The following STIMATE variants were observed in gnomAD, a reference collection of about 807,000 sequenced individuals.
STIMATE encodes the protein store-operated calcium entry regulator STIMATE.
Under a neutral mutation model 36.7 loss-of-function variants are expected in STIMATE, and 15 were observed. The observed-to-expected ratio is 0.41, with a 90% CI of 0.27 to 0.63. The LOEUF is 0.63. STIMATE is among the 20% of genes least tolerant of loss of function. The probability of loss-of-function intolerance (pLI) is 0.32; values close to 1 mark genes in which losing one functional copy is unlikely to be tolerated. For missense variants in STIMATE, 305 were observed against 397.3 expected, an observed-to-expected ratio of 0.77 and a Z score of 1.98; for synonymous variants, 163 against 162.3, an observed-to-expected ratio of 1.00 and a Z score of -0.03.
intron 1 of STIMATE, among the ~76,000 whole-genome samples, chr3:52,882,920 G>A (rs1701632438): frequency 6.6e-6 from 1 of 152,146 alleles, no homozygotes; most frequent in Non-Finnish European, 1.5e-5. Context: ...TGATTTCCCA[G>A]CATGGCTTCT....
intron 2 of STIMATE, among the ~76,000 whole-genome samples, chr3:52,853,748 A>G (rs1701048239): frequency 6.6e-6 from 1 of 152,246 alleles, no homozygotes; most frequent in Non-Finnish European, 1.5e-5. Flanking sequence ...AATAAAAAGA[A>G]TTATCAAATT....
intron 1 of STIMATE, among the ~76,000 whole-genome samples, chr3:52,894,196 T>A (rs1308697232): frequency 1.3e-5 from 2 of 152,206 alleles, no homozygotes; most frequent in African/African-American, 2.4e-5. Flanking sequence ...GTGGAAAGTA[T>A]CTTCATAAGC....
rs778027623 is a variant in STIMATE at position 52,840,464 on chromosome 3, C to A, written c.*30G>T. On this transcript the variant is annotated 3_prime_UTR_variant, in exon 8 of 8. Coordinates refer to ENST00000355083, the MANE Select transcript of STIMATE (RefSeq NM_198563.5). Reference sequence around the variant, plus strand: ...CTCTGCACACCAGCGGCTGGCGGGGCCCTCCCGTCACCCCCAGCATGGGAA... The same window carrying A: ...CTCTGCACACCAGCGGCTGGCGGGGACCTCCCGTCACCCCCAGCATGGGAA... The A allele has an allele frequency of 6.2e-7, 1 of 1,607,874 alleles. No individual in the cohort carries two copies. Among genetic ancestry groups the A allele is most frequent in the Admixed American group, 1.7e-5 (1 of 59,810 alleles).
intron 1 of STIMATE, among the ~76,000 whole-genome samples, chr3:52,857,376 C>G (rs1301186578): frequency 6.6e-6 from 1 of 152,118 alleles, no homozygotes; most frequent in African/African-American, 2.4e-5. Context: ...AGCAGGAGGC[C>G]CCTTCCCTTA....
chr3:52,878,690 T>A (rs931931793), intron 1 of STIMATE, among the ~76,000 whole-genome samples: 2 of 152,174 alleles, frequency 1.3e-5, no homozygotes, highest in Non-Finnish European at 1.5e-5. Flanking sequence ...AACAGAAACA[T>A]CTCCACTGGT....
chr3:52,848,930 C>T (rs1480583806), intron 4 of STIMATE, among the ~76,000 whole-genome samples: 2 of 152,236 alleles, frequency 1.3e-5, no homozygotes, highest in Non-Finnish European at 2.9e-5. Context: ...CAAACAATTA[C>T]TTAACATTTC....
chr3:52,850,617 C>T (rs537205381), intron 3 of STIMATE, among the ~76,000 whole-genome samples: 39 of 152,352 alleles, frequency 2.6e-4, no homozygotes, highest in African/African-American at 9.1e-4. Context: ...AACAGTGCTG[C>T]TGCACCAGAG....
chr3:52,857,758 T>C (rs6776862), intron 1 of STIMATE, among the ~76,000 whole-genome samples: 4,539 of 150,258 alleles, frequency 0.03, 264 homozygotes, highest in African/African-American at 0.1. Flanking sequence ...ATTATATTAT[T>C]ATTATATATA....
chr3:52,859,531 A>AAACTT (rs748928249), intron 1 of STIMATE, among the ~76,000 whole-genome samples: 1 of 18,810 alleles, frequency 5.3e-5, no homozygotes, highest in Non-Finnish European at 1.2e-4. Flanking sequence ...AAAAAAAAAA[A>AAACTT]TTTTTTTTTT....
At chr3:52,843,107 C>T (rs1700831244) in intron 6 of STIMATE, 147 bp from the exon 7 acceptor site, 2 of 1,381,928 alleles carry the variant, frequency 1.4e-6, no homozygotes, top group Non-Finnish European at 1.9e-6. Flanking sequence ...TGCTCTCTCC[C>T]AAAGCTTAGA....
At position 52,888,878 on chromosome 3, in the gene STIMATE, G is replaced by A. The variant is rs553087122; in HGVS notation, c.160+8413C>T. On this transcript the variant is annotated intron_variant, in intron 1 of 7. Coordinates refer to ENST00000355083, the MANE Select transcript of STIMATE (RefSeq NM_198563.5). ...AAAAACCATGAATACACAACATCAC[G>A]TCTTTAAAAGAAGTTTTAAAGCCAA... Among the ~76,000 whole-genome samples the A allele has an allele frequency of 1.3e-4, 20 of 152,264 alleles. 1 individual carries two copies. In the Middle Eastern group the frequency reaches 0.01, roughly 78 times the overall value.
intron 1 of STIMATE, chr3:52,895,908 T>C: frequency 6.2e-6 from 8 of 1,289,818 alleles, no homozygotes; most frequent in Non-Finnish European, 7.1e-6. Flanking sequence ...GTACAGTACA[T>C]GCGCCCAAGT....
chr3:52,842,816 A>G lies in STIMATE; in HGVS notation c.763T>C (p.Ser255Pro). The change falls in exon 7 of 8, where the codon TCT becomes CCT. Residue 255 changes from serine to proline, a missense_variant. This residue lies in a region of STIMATE where 84 missense variants were observed against 82.4 expected (regional missense o/e 1.02). Transcript: ENST00000355083. ...RRAASHEESE[S>P]EILISADDEM... ...GAGAGTCAGGGAGGCCCTACCTCAG[A>G]CTCAGACTCCTCGTGGGATGCGGCC... The G allele has an allele frequency of 6.2e-7, 1 of 1,614,144 alleles. No homozygotes were observed. The highest frequency in any genetic ancestry group is 8.5e-7 in the Non-Finnish European group (1 of 1,180,016).
chr3:52,848,780 G>A lies in STIMATE; in HGVS notation c.427+1012C>T, dbSNP rs117723202. Among the ~76,000 whole-genome samples, 223 of 152,214 alleles carry A rather than the reference G, an allele frequency of 1.5e-3. 6 individuals are homozygous for A. The East Asian group carries it at 0.04, about 27-fold the overall frequency. On this transcript the variant is annotated intron_variant, in intron 4 of 7. Coordinates refer to ENST00000355083, the MANE Select transcript of STIMATE (RefSeq NM_198563.5). ...TCTGCAGCTGAGGACTCAATGACTCGCAGCTTCTCAGAAGCCTTCCCTGGA... is the reference window on the plus strand; with the variant it reads ...TCTGCAGCTGAGGACTCAATGACTCACAGCTTCTCAGAAGCCTTCCCTGGA...
At position 52,840,211 on chromosome 3, in the gene STIMATE, GGAC is replaced by G; in HGVS notation, c.*280_*282del. ...CTCAGGTCCCTCACAACACTGTCTG[GGAC>G]GACAACAAACAAACACAGCTCCTTC... On this transcript the variant is annotated 3_prime_UTR_variant, in exon 8 of 8. Transcript: ENST00000355083. The G allele has an allele frequency of 4.2e-6, 1 of 238,458 alleles. No individual in the cohort carries two copies. Among genetic ancestry groups the G allele is most frequent in the Admixed American group, 5.3e-5 (1 of 18,856 alleles). 14.8% of individuals were successfully genotyped at this position (238,458 alleles called of 1,614,324 possible).
intron 1 of STIMATE, among the ~76,000 whole-genome samples, chr3:52,856,552 C>T (rs1334518273): frequency 6.6e-6 from 1 of 152,134 alleles, no homozygotes; most frequent in Non-Finnish European, 1.5e-5. Flanking sequence ...TGTGTGGTGG[C>T]GCACACCTCT....
At chr3:52,881,460 T>G (rs1250414435) in intron 1 of STIMATE, among the ~76,000 whole-genome samples, 1 of 152,072 alleles carries the variant, frequency 6.6e-6, no homozygotes, top group African/African-American at 2.4e-5. Context: ...ATCCCAGCAC[T>G]TTCGGAGGCC....
At chr3:52,895,588 T>G (rs1214152993) in intron 1 of STIMATE, among the ~76,000 whole-genome samples, 1 of 152,202 alleles carries the variant, frequency 6.6e-6, no homozygotes, top group Non-Finnish European at 1.5e-5. Flanking sequence ...AGTAAAGAAG[T>G]GAATATGTCC....
intron 6 of STIMATE, 29 bp from the exon 7 acceptor site, chr3:52,842,989 T>A: frequency 6.2e-7 from 1 of 1,613,878 alleles, no homozygotes; most frequent in Non-Finnish European, 8.5e-7. Flanking sequence ...CAGGTTACTT[T>A]GGGATAAACC....
Sources: gnomAD v4.1 joint callset for allele counts (sites outside exome capture counted in the v4.1 genomes callset) on GRCh38, gnomAD v4.1.1 for gene constraint, gnomAD v4.1.1 regional missense constraint, MANE v1.5 for transcripts, NCBI Gene and HGNC (gene_info 2026-07-23, HGNC 2026-07-21) for gene names.